ZNF610: variants seen among roughly 807,000 people sequenced by gnomAD.
ZNF610 encodes zinc finger protein 610, also known as zink finger protein.
In ZNF610, 14 loss-of-function variants were observed where a neutral mutation model predicts 14.1. The observed-to-expected ratio is 0.99, with a 90% confidence interval of 0.65 to 1.55. The LOEUF is 1.55. Ranked by LOEUF, ZNF610 falls within the 40% of genes most tolerant of loss-of-function variation. The pLI is 0.00. For missense variants in ZNF610, 530 were observed against 558.0 expected (o/e 0.95, Z 0.51); for synonymous variants, 185 against 187.6 (o/e 0.99, Z 0.11).
chr19:52,360,985 A>G (rs1192504202), intron 5 of ZNF610, among the ~76,000 whole-genome samples: 2 of 152,086 alleles, frequency 1.3e-5, no homozygotes, highest in African/African-American at 4.8e-5. Context: ...ATCCTTTTTC[A>G]GTATTTGATA....
intron 3 of ZNF610, among the ~76,000 whole-genome samples, chr19:52,352,562 A>G (rs373904878): frequency 3.3e-5 from 5 of 152,068 alleles, no homozygotes; most frequent in Admixed American, 6.6e-5. Flanking sequence ...ATATATTCGT[A>G]TTAGTTAATA....
intron 2 of ZNF610, 155 bp from the exon 3 acceptor site, chr19:52,348,998 TC>T: frequency 3.3e-6 from 2 of 607,828 alleles, no homozygotes; most frequent in Non-Finnish European, 5.8e-6. Flanking sequence ...CACTCATTCT[TC>T]CTGTAGGAAT....
rs1986073914 is a variant in ZNF610, at chr19:52,366,544, C to T, written c.1166C>T (p.Ala389Val). Reference protein sequence around the residue: ...RAFHKRPGLMAHLLIHTGEKP... With the variant: ...RAFHKRPGLMVHLLIHTGEKP... ...TTTCACAAGCGTCCGGGCCTTATGG[C>T]CCATCTTCTAATCCATACTGGAGAG... Residue 389 changes from alanine to valine, a missense_variant, in exon 6 of 6, where the codon GCC becomes GTC. Transcript: ENST00000403906. The T allele has an allele frequency of 1.2e-6, 2 of 1,614,042 alleles. No homozygotes were observed. Among genetic ancestry groups the T allele is most frequent in the Non-Finnish European group, 1.7e-6 (2 of 1,180,000 alleles).
chr19:52,361,584 C>T (rs1448431416), intron 5 of ZNF610, among the ~76,000 whole-genome samples: 3 of 151,426 alleles, frequency 2.0e-5, no homozygotes, highest in Non-Finnish European at 4.4e-5. Context: ...GTTTATCTAG[C>T]TAAGGGTTTG....
chr19:52,351,574 A>C (rs1296599225), intron 3 of ZNF610, among the ~76,000 whole-genome samples: 1 of 151,616 alleles, frequency 6.6e-6, no homozygotes, highest in African/African-American at 2.4e-5. Context: ...AGCTTTGTCT[A>C]GGATGCATCC....
chr19:52,346,145 C>G (rs1466682821), intron 1 of ZNF610, among the ~76,000 whole-genome samples: 1 of 150,262 alleles, frequency 6.7e-6, no homozygotes, highest in African/African-American at 2.5e-5. Flanking sequence ...ATTACAGGTG[C>G]CTGCCACTAC....
At chr19:52,342,719 G>A (rs1019447394) in intron 1 of ZNF610, among the ~76,000 whole-genome samples, 3 of 151,944 alleles carry the variant, frequency 2.0e-5, no homozygotes, top group African/African-American at 4.8e-5. Context: ...TAGAGATGGG[G>A]TTTCACTGTG....
intron 1 of ZNF610, among the ~76,000 whole-genome samples, chr19:52,337,860 A>G (rs1453363167): frequency 6.6e-6 from 1 of 152,214 alleles, no homozygotes; most frequent in Non-Finnish European, 1.5e-5. Flanking sequence ...TCCATTCACA[A>G]TCCCTGTTCA....
intron 1 of ZNF610, among the ~76,000 whole-genome samples, chr19:52,340,274 C>T (rs1244319491): frequency 1.4e-4 from 22 of 152,114 alleles, no homozygotes. Flanking sequence ...ATCCCAGCTA[C>T]TCAGGAGGCT....
At chr19:52,342,993 C>T (rs1984760179) in intron 1 of ZNF610, among the ~76,000 whole-genome samples, 1 of 151,954 alleles carries the variant, frequency 6.6e-6, no homozygotes, top group Non-Finnish European at 1.5e-5. Context: ...TCCATTTTCC[C>T]TCTCCACCCA....
chr19:52,344,851 C>T (rs749184598), intron 1 of ZNF610, among the ~76,000 whole-genome samples: 5 of 152,172 alleles, frequency 3.3e-5, no homozygotes, highest in Admixed American at 1.3e-4. Context: ...GGTGCAATAT[C>T]GGCTCACTGC....
chr19:52,351,235 T>A (rs747503395), intron 3 of ZNF610, among the ~76,000 whole-genome samples: 21 of 152,172 alleles, frequency 1.4e-4, no homozygotes, highest in Non-Finnish European at 2.2e-4. Context: ...GGCAGGCAGA[T>A]CACCTGGGCT....
intron 1 of ZNF610, among the ~76,000 whole-genome samples, chr19:52,344,363 C>G (rs1253139403): frequency 6.6e-6 from 1 of 152,070 alleles, no homozygotes; most frequent in African/African-American, 2.4e-5. Flanking sequence ...TGACCCCACC[C>G]CAACTCTCCT....
At chr19:52,333,238 G>GA (rs1488585149), upstream of ZNF610, among the ~76,000 whole-genome samples, 1 of 152,162 alleles carries the variant, frequency 6.6e-6, no homozygotes, top group African/African-American at 2.4e-5. Context: ...AAAAAGATAA[G>GA]AAAAAACGCA....
intron 5 of ZNF610, among the ~76,000 whole-genome samples, chr19:52,358,986 G>A (rs191642136): frequency 6.6e-6 from 1 of 152,300 alleles, no homozygotes; most frequent in African/African-American, 2.4e-5. Flanking sequence ...TGGCCTGTCT[G>A]TTCTAGTCCA....
intron 3 of ZNF610, among the ~76,000 whole-genome samples, 197 bp downstream of exon 3, chr19:52,349,432 A>G (rs1985137251): frequency 6.6e-6 from 1 of 152,040 alleles, no homozygotes; most frequent in South Asian, 2.1e-4. Flanking sequence ...AAGGGCTCAC[A>G]CCCAGACATG....
rs375947105 is a variant in ZNF610, at chr19:52,354,062, T to C, written c.191-189T>C. Among the ~76,000 whole-genome samples the C allele has an allele frequency of 3.9e-5, 6 of 152,304 alleles. No homozygotes were observed. The East Asian group carries it at 1.2e-3, about 29-fold the overall frequency. Reference sequence around the variant, plus strand: ...TTTCTCCCCTGTGCTTACAAGTCAGTAGTTCTTGGAAGAGATCTCAGTGTC... The same window carrying C: ...TTTCTCCCCTGTGCTTACAAGTCAGCAGTTCTTGGAAGAGATCTCAGTGTC... On this transcript the variant is annotated intron_variant, in intron 4 of 5. Coordinates refer to ENST00000403906, the MANE Select transcript of ZNF610 (RefSeq NM_001161425.2).
chr19:52,365,750 A>G lies in ZNF610; in HGVS notation c.372A>G (p.Gln124=), dbSNP rs146281225. 1.1e-4 allele frequency: 185 copies of G among 1,611,952 alleles called. 1 individual carries two copies. In the East Asian group the frequency reaches 2.7e-3, roughly 23 times the overall value. The change falls in exon 6 of 6, where the codon CAA becomes CAG. Residue 124 remains glutamine, a synonymous_variant. Coordinates refer to ENST00000403906, the MANE Select transcript of ZNF610 (RefSeq NM_001161425.2). ...SNAENKPIKN[Q]LGLTLEAHLS... is the part of the protein sequence containing the mutation. ...CAGAAAACAAGCCTATTAAAAATCA[A>G]CTTGGATTAACCCTTGAGGCACATC... is the stretch of plus-strand genomic sequence containing the variant.
At chr19:52,357,400 C>A (rs978441282) in intron 5 of ZNF610, among the ~76,000 whole-genome samples, 6 of 152,098 alleles carry the variant, frequency 3.9e-5, no homozygotes, top group Admixed American at 6.5e-5. Flanking sequence ...AATCCCAGCA[C>A]TTTGGGAGGC....
Sources: allele counts gnomAD v4.1 joint callset (sites outside exome capture counted in the v4.1 genomes callset), GRCh38; gene constraint gnomAD v4.1.1; transcripts MANE v1.5; gene names NCBI Gene and HGNC (gene_info 2026-07-23, HGNC 2026-07-21).